Variants in NUP93 observed in about 807,000 individuals in gnomAD.
NUP93 encodes the protein nuclear pore complex protein Nup93.
A neutral mutation model predicts 107.8 loss-of-function variants in NUP93; 55 were observed. The ratio of observed to expected loss-of-function variants is 0.51; its 90% CI spans 0.41 to 0.64. The LOEUF is 0.64. NUP93 is among the 30% of genes least tolerant of loss of function. The pLI is 0.00. For synonymous variants in NUP93, 390 were observed against 397.5 expected, an observed-to-expected ratio of 0.98 and a Z score of 0.22; for missense variants, 937 against 1,044.7, an observed-to-expected ratio of 0.90 and a Z score of 1.42.
At chr16:56,783,974 T>G (rs1004910928) in intron 3 of NUP93, 2 of 808,190 alleles carry the variant, frequency 2.5e-6, no homozygotes, top group Non-Finnish European at 3.0e-6. Flanking sequence ...ATATGAAAAG[T>G]GTAACGCAGA....
At chr16:56,824,524 C>T (rs749041165) in intron 8 of NUP93, among the ~76,000 whole-genome samples, 1 of 152,194 alleles carries the variant, frequency 6.6e-6, no homozygotes, top group Non-Finnish European at 1.5e-5. Context: ...GCAATAGAAT[C>T]TCTTTATTTT....
chr16:56,819,657 G>A (rs546290464), intron 6 of NUP93, among the ~76,000 whole-genome samples: 1 of 152,374 alleles, frequency 6.6e-6, no homozygotes, highest in East Asian at 1.9e-4. Flanking sequence ...GTGAGAAACT[G>A]TTAGACCCTG....
At position 56,841,691 on chromosome 16, in the gene NUP93, TTC is replaced by T. The variant is rs1239538290; in HGVS notation, c.2221-8_2221-7del. ...TTGGTTCTTTTTCTTTACTCTGTTT[TTC>T]TCTCTATGTAGATCAGGCACAACCT... On this transcript the variant is annotated splice_polypyrimidine_tract_variant and intron_variant, in intron 20 of 21. Transcript: ENST00000308159. The T allele has an allele frequency of 6.2e-7, 1 of 1,612,550 alleles. No homozygotes were observed. Among genetic ancestry groups the T allele is most frequent in the African/African-American group, 1.3e-5 (1 of 74,914 alleles).
rs1168684320 is a variant in NUP93 at position 56,849,712 on chromosome 16, A to T, written c.*5103A>T. 2.0e-5 allele frequency: 3 copies of T among 152,252 alleles called. No homozygotes were observed. Among genetic ancestry groups the T allele is most frequent in the African/African-American group, 7.2e-5 (3 of 41,468 alleles). 9.4% of individuals were successfully genotyped at this position (152,252 alleles called of 1,614,324 possible). A position where few individuals can be genotyped will look rare whatever the true frequency, so the allele number is the denominator to read the frequency against. ...GAAGTTCCTAGTGTAAGTATGTCCC[A>T]GTTCTATGTGGCTGCCCTACCTGGG... On this transcript the variant is annotated 3_prime_UTR_variant, in exon 22 of 22. Coordinates refer to ENST00000308159, the MANE Select transcript of NUP93 (RefSeq NM_014669.5).
intron 1 of NUP93, among the ~76,000 whole-genome samples, chr16:56,735,769 A>C (rs1191549859): frequency 2.0e-5 from 3 of 150,968 alleles, no homozygotes; most frequent in African/African-American, 7.3e-5. Context: ...TGGAAGTTGC[A>C]GTGAGCTGAG....
chr16:56,839,440 G>C, intron 19 of NUP93, 81 bp from the exon 20 acceptor site: 1 of 1,101,050 alleles, frequency 9.1e-7, no homozygotes. Context: ...TTTGGAGTAT[G>C]TGAGGTGCTG....
intron 2 of NUP93, among the ~76,000 whole-genome samples, chr16:56,752,181 G>A (rs1961933144): frequency 6.6e-6 from 1 of 152,124 alleles, no homozygotes; most frequent in African/African-American, 2.4e-5. Flanking sequence ...AGCACCATGG[G>A]ACAAAATTTA....
intron 1 of NUP93, among the ~76,000 whole-genome samples, chr16:56,746,024 A>G (rs1431360432): frequency 1.3e-5 from 2 of 151,990 alleles, no homozygotes; most frequent in East Asian, 3.9e-4. Flanking sequence ...TTCTTTTTTA[A>G]TCATAGAAAA....
chr16:56,797,297 G>T (rs1962922247), intron 3 of NUP93, among the ~76,000 whole-genome samples: 1 of 152,210 alleles, frequency 6.6e-6, no homozygotes, highest in African/African-American at 2.4e-5. Flanking sequence ...TGACATGCTT[G>T]TACCTTGCAT....
intron 5 of NUP93, among the ~76,000 whole-genome samples, chr16:56,816,710 C>G (rs2144600223): frequency 6.6e-6 from 1 of 152,194 alleles, no homozygotes; most frequent in South Asian, 2.1e-4. Context: ...GTAGTAGAGT[C>G]TGGAAAAGGG....
intron 2 of NUP93, among the ~76,000 whole-genome samples, chr16:56,753,142 T>C (rs1961954946): frequency 6.6e-6 from 1 of 152,202 alleles, no homozygotes; most frequent in East Asian, 1.9e-4. Context: ...TCAGGGTAAT[T>C]ACATAGTTGA....
chr16:56,761,780 T>C (rs1962131620), intron 3 of NUP93, among the ~76,000 whole-genome samples: 1 of 152,248 alleles, frequency 6.6e-6, no homozygotes. Context: ...TTCTATTTGG[T>C]AAACATTGAT....
At chr16:56,769,690 C>G (rs1962284869) in intron 3 of NUP93, among the ~76,000 whole-genome samples, 1 of 152,154 alleles carries the variant, frequency 6.6e-6, no homozygotes, top group Non-Finnish European at 1.5e-5. Context: ...CAGCTTCTTG[C>G]TTGATCATCT....
At chr16:56,779,114 T>C (rs1219402784) in intron 3 of NUP93, among the ~76,000 whole-genome samples, 1 of 152,176 alleles carries the variant, frequency 6.6e-6, no homozygotes, top group African/African-American at 2.4e-5. Context: ...ACCAGTACTA[T>C]TGATCTTCCC....
intron 3 of NUP93, among the ~76,000 whole-genome samples, chr16:56,785,305 G>T (rs1377973501): frequency 6.6e-6 from 1 of 152,070 alleles, no homozygotes; most frequent in East Asian, 1.9e-4. Flanking sequence ...TTATAATAAG[G>T]CTAGGTGTTA....
intron 2 of NUP93, among the ~76,000 whole-genome samples, chr16:56,750,314 G>C (rs572548863): frequency 6.6e-6 from 1 of 152,272 alleles, no homozygotes; most frequent in African/African-American, 2.4e-5. Context: ...GATAGGCAGA[G>C]ACATAAAGTG....
intron 5 of NUP93, among the ~76,000 whole-genome samples, chr16:56,812,891 T>C: frequency 6.6e-6 from 1 of 152,194 alleles, no homozygotes; most frequent in East Asian, 1.9e-4. Context: ...AGGAAGAACT[T>C]CCCTATTGAG....
intron 3 of NUP93, among the ~76,000 whole-genome samples, chr16:56,774,961 G>A (rs1962386912): frequency 1.3e-5 from 2 of 150,400 alleles, no homozygotes; most frequent in Non-Finnish European, 1.5e-5. Flanking sequence ...GTGCAGTGGT[G>A]CAATCTCTGC....
intron 3 of NUP93, among the ~76,000 whole-genome samples, chr16:56,784,159 TGAGAG>T (rs1205352370): frequency 6.6e-6 from 1 of 152,186 alleles, no homozygotes; most frequent in East Asian, 1.9e-4. Flanking sequence ...AAATGACACT[TGAGAG>T]GAAAAAGAAA....
Sources: gnomAD v4.1 joint callset for allele counts (sites outside exome capture counted in the v4.1 genomes callset) on GRCh38, gnomAD v4.1.1 for gene constraint, MANE v1.5 for transcripts, NCBI Gene and HGNC (gene_info 2026-07-23, HGNC 2026-07-21) for gene names.